KDM4C: variants seen among roughly 807,000 people sequenced by gnomAD.
The protein encoded by KDM4C is lysine demethylase 4C.
A neutral mutation model predicts 129.3 loss-of-function variants in KDM4C; 81 were observed. The observed-to-expected ratio is 0.63, with a 90% CI of 0.52 to 0.75. The LOEUF (loss-of-function observed/expected upper bound fraction) is 0.75. Among genes scored for constraint, KDM4C ranks in the 30% least tolerant of loss-of-function variants. KDM4C has a pLI of 0.00. For synonymous variants in KDM4C, 573 were observed against 456.1 expected (o/e 1.26, Z -3.26); for missense variants, 1,457 against 1,304.0 (o/e 1.12, Z -1.81).
chr9:6,966,065 A>G lies in KDM4C; in HGVS notation c.922-14860A>G, dbSNP rs1026236227. 3.9e-5 allele frequency among the ~76,000 whole-genome samples: 6 copies of G among 152,246 alleles called. No homozygotes were observed. In the East Asian group the frequency reaches 1.2e-3, roughly 29 times the overall value. Reference sequence around the variant, plus strand: ...TGCTTTTTTTATTAAAAACTTTCAGAGTTAACTTTGCATTTAGATGGAAGT... The same window carrying G: ...TGCTTTTTTTATTAAAAACTTTCAGGGTTAACTTTGCATTTAGATGGAAGT... On this transcript the variant is annotated intron_variant, in intron 8 of 21. Coordinates refer to ENST00000381309, the MANE Select transcript of KDM4C (RefSeq NM_015061.6).
chr9:6,827,937 G>A (rs1484605059), intron 4 of KDM4C, among the ~76,000 whole-genome samples: 4 of 152,204 alleles, frequency 2.6e-5, no homozygotes, highest in Non-Finnish European at 4.4e-5. Context: ...GGAGGTGATG[G>A]ACAGCTTTAT....
At chr9:6,985,834 G>T (rs1448001467) in intron 10 of KDM4C, among the ~76,000 whole-genome samples, 1 of 152,100 alleles carries the variant, frequency 6.6e-6, no homozygotes, top group African/African-American at 2.4e-5. Context: ...GGGACTAAAG[G>T]TGTGCACCAC....
intron 1 of KDM4C, among the ~76,000 whole-genome samples, chr9:6,726,782 C>T (rs1182520107): frequency 6.6e-6 from 1 of 152,172 alleles, no homozygotes; most frequent in Admixed American, 6.6e-5. Context: ...GTCTCCTAGG[C>T]TGGAGTGCAG....
At chr9:6,994,301 C>G (rs566352335) in intron 12 of KDM4C, among the ~76,000 whole-genome samples, 1 of 152,126 alleles carries the variant, frequency 6.6e-6, no homozygotes, top group African/African-American at 2.4e-5. Flanking sequence ...ATTTAGACAA[C>G]TTCTCCTTAC....
chr9:7,011,680 C>T lies in KDM4C; in HGVS notation c.1787-18C>T. 2.5e-6 allele frequency: 4 copies of T among 1,611,214 alleles called. No homozygotes were observed. Among genetic ancestry groups the T allele is most frequent in the Non-Finnish European group, 3.4e-6 (4 of 1,177,446 alleles). ...CTGGTTCCCATGCTCATGGTATTTT[C>T]CTGCCTTCTCCCTTAAGAATTGCCT... On this transcript the variant is annotated intron_variant, in intron 12 of 21. Coordinates refer to ENST00000381309, the MANE Select transcript of KDM4C (RefSeq NM_015061.6).
intron 8 of KDM4C, among the ~76,000 whole-genome samples, chr9:6,917,007 C>T (rs1046053584): frequency 8.5e-5 from 13 of 152,118 alleles, no homozygotes; most frequent in African/African-American, 2.4e-4. Flanking sequence ...ATTCCACCCA[C>T]GAAGATTGTT....
At chr9:6,847,600 CA>C (rs1437818843) in intron 4 of KDM4C, among the ~76,000 whole-genome samples, 4 of 152,140 alleles carry the variant, frequency 2.6e-5, no homozygotes, top group Non-Finnish European at 5.9e-5. Flanking sequence ...CCGTGTTAGC[CA>C]GGATGGTCTC....
At chr9:6,981,180 C>G (rs578019101) in intron 9 of KDM4C, 62 bp downstream of exon 9, 4 of 1,348,964 alleles carry the variant, frequency 3.0e-6, no homozygotes, top group Non-Finnish European at 4.0e-6. Context: ...TAAAATGGGT[C>G]ATTGGATGTG....
intron 19 of KDM4C, among the ~76,000 whole-genome samples, chr9:7,163,434 A>T (rs1449660377): frequency 6.6e-6 from 1 of 152,102 alleles, no homozygotes; most frequent in Non-Finnish European, 1.5e-5. Context: ...ATTAAGTCGT[A>T]ACTAATCCTC....
rs546268377 is a variant in KDM4C, at chr9:6,825,348, C to T, written c.435+10603C>T. On this transcript the variant is annotated intron_variant, in intron 4 of 21. Transcript: ENST00000381309. ...CCTCTGACAAGGTCTGCGTGTCTTCCTGTGGTCCTCGGAAAACACCTTGAC... is the reference window on the plus strand; with the variant it reads ...CCTCTGACAAGGTCTGCGTGTCTTCTTGTGGTCCTCGGAAAACACCTTGAC... 1.9e-3 allele frequency among the ~76,000 whole-genome samples: 282 copies of T among 152,258 alleles called. 2 individuals are homozygous for T. Among genetic ancestry groups the T allele is most frequent in the Middle Eastern group, 6.8e-3 (2 of 294 alleles).
intron 15 of KDM4C, among the ~76,000 whole-genome samples, chr9:7,046,645 G>C (rs1829439855): frequency 6.6e-6 from 1 of 151,876 alleles, no homozygotes; most frequent in African/African-American, 2.4e-5. Context: ...GGTTCCCTCT[G>C]GGAGAATTTT....
At chr9:6,881,023 G>A (rs544884544) in intron 6 of KDM4C, among the ~76,000 whole-genome samples, 1 of 152,320 alleles carries the variant, frequency 6.6e-6, no homozygotes, top group South Asian at 2.1e-4. Context: ...TCAGTGAGCA[G>A]TGCTCTTTTA....
At chr9:7,021,116 A>ATG (rs1453135868) in intron 15 of KDM4C, among the ~76,000 whole-genome samples, 2 of 130,648 alleles carry the variant, frequency 1.5e-5, no homozygotes, top group African/African-American at 6.3e-5. Flanking sequence ...ACATACATAT[A>ATG]TATATGTGTG....
At chr9:7,087,499 G>C (rs765912847) in intron 17 of KDM4C, among the ~76,000 whole-genome samples, 3 of 151,656 alleles carry the variant, frequency 2.0e-5, no homozygotes, top group Non-Finnish European at 4.4e-5. Context: ...CCAAACTAGA[G>C]GTTTTTTAAA....
intron 4 of KDM4C, among the ~76,000 whole-genome samples, chr9:6,822,888 C>T (rs896947573): frequency 6.6e-6 from 1 of 152,240 alleles, no homozygotes; most frequent in Non-Finnish European, 1.5e-5. Flanking sequence ...AAAGCTACAT[C>T]TCTTTTTTTC....
intron 2 of KDM4C, among the ~76,000 whole-genome samples, chr9:6,802,302 G>A (rs1397815409): frequency 6.6e-6 from 1 of 152,194 alleles, no homozygotes; most frequent in Non-Finnish European, 1.5e-5. Flanking sequence ...GTATATTGCA[G>A]TTGGGAGTGC....
chr9:7,029,303 T>G (rs1177362750), intron 15 of KDM4C, among the ~76,000 whole-genome samples: 3 of 151,638 alleles, frequency 2.0e-5, no homozygotes, highest in Admixed American at 6.6e-5. Flanking sequence ...GTTTTTTTTT[T>G]TTTTTTTTGC....
Position 6,758,785 on chromosome 9 carries a change from C to T in KDM4C, c.-18+582C>T, listed in dbSNP as rs141528174. ...TGCAGTGCCTGGAGGAACCATGATG[C>T]GGTGTAGACGGCGGGTGCTTAAATA... On this transcript the variant is annotated intron_variant, in intron 1 of 21. Transcript: ENST00000381309. The surrounding 1 kb of genome is among the most constrained non-coding windows in gnomAD (Gnocchi z 4.6). Among the ~76,000 whole-genome samples, 511 of 152,350 alleles carry T rather than the reference C, an allele frequency of 3.4e-3. 3 individuals are homozygous for T. The highest frequency in any genetic ancestry group is 0.012 in the African/African-American group (491 of 41,576).
intron 8 of KDM4C, among the ~76,000 whole-genome samples, chr9:6,965,354 G>C (rs566448795): frequency 4.2e-4 from 64 of 151,730 alleles, no homozygotes; most frequent in African/African-American, 1.4e-3. Flanking sequence ...TTTATATATA[G>C]AGAGATATAT....
Sources: gnomAD v4.1 joint callset for allele counts (sites outside exome capture counted in the v4.1 genomes callset) on GRCh38, gnomAD v4.1.1 for gene constraint, Gnocchi (gnomAD v3.1) non-coding constraint, MANE v1.5 for transcripts, NCBI Gene and HGNC (gene_info 2026-07-23, HGNC 2026-07-21) for gene names.